The following PRR5L variants were observed in gnomAD, a reference collection of about 807,000 sequenced individuals.
PRR5L encodes the protein proline-rich protein 5-like.
Under a neutral mutation model 36.4 loss-of-function variants are expected in PRR5L, and 21 were observed. The ratio of observed to expected loss-of-function variants is 0.58; its 90% CI spans 0.41 to 0.83. PRR5L has a LOEUF of 0.83. Ranked by LOEUF, PRR5L falls within the 40% of genes least tolerant of loss-of-function variation. The pLI is 0.00. For missense variants in PRR5L, 381 were observed against 473.3 expected (o/e 0.80, Z 1.81); for synonymous variants, 188 against 197.0 (o/e 0.95, Z 0.38).
chr11:36,454,153 T>C (rs1459013692), intron 8 of PRR5L: 1 of 152,266 alleles, frequency 6.6e-6, no homozygotes, highest in Non-Finnish European at 1.5e-5. Flanking sequence ...GGATACTTTA[T>C]CAGCTGCCCC....
At chr11:36,306,365 G>A (rs1391014506) in intron 1 of PRR5L, among the ~76,000 whole-genome samples, 3 of 152,148 alleles carry the variant, frequency 2.0e-5, no homozygotes, top group Non-Finnish European at 4.4e-5. Flanking sequence ...ATAGTTTGCT[G>A]AGCATGATGG....
chr11:36,300,964 T>C (rs1856369293), intron 1 of PRR5L: 1 of 152,214 alleles, frequency 6.6e-6, no homozygotes, highest in Non-Finnish European at 1.5e-5. Flanking sequence ...TTAACAAACA[T>C]TTATTGTGCC....
intron 1 of PRR5L, among the ~76,000 whole-genome samples, chr11:36,327,372 A>C (rs1052359883): frequency 4.6e-5 from 7 of 152,224 alleles, no homozygotes; most frequent in Non-Finnish European, 7.3e-5. Context: ...ACATTCAAAC[A>C]GAGATCCTAA....
intron 1 of PRR5L, among the ~76,000 whole-genome samples, chr11:36,299,869 A>G (rs1186007185): frequency 6.6e-6 from 1 of 152,140 alleles, no homozygotes; most frequent in Non-Finnish European, 1.5e-5. Flanking sequence ...AGAAAACTAT[A>G]AAGGTAAACA....
At chr11:36,391,477 C>T (rs1346731015) in intron 1 of PRR5L, among the ~76,000 whole-genome samples, 1 of 152,194 alleles carries the variant, frequency 6.6e-6, no homozygotes, top group African/African-American at 2.4e-5. Flanking sequence ...TGATACCTCC[C>T]AGTAACCCTG....
At chr11:36,449,155 C>T (rs1858893885) in intron 7 of PRR5L, among the ~76,000 whole-genome samples, 1 of 152,192 alleles carries the variant, frequency 6.6e-6, no homozygotes, top group Admixed American at 6.5e-5. Flanking sequence ...GAACCCGGAT[C>T]TTTCCCCGGC....
intron 5 of PRR5L, among the ~76,000 whole-genome samples, chr11:36,435,945 C>T (rs1328303315): frequency 1.3e-5 from 2 of 152,190 alleles, no homozygotes; most frequent in Non-Finnish European, 2.9e-5. Context: ...GGGCTCCATT[C>T]CCAATCCCGT....
chr11:36,316,121 G>A (rs1325606571), intron 1 of PRR5L, among the ~76,000 whole-genome samples: 2 of 152,150 alleles, frequency 1.3e-5, no homozygotes, highest in African/African-American at 4.8e-5. Flanking sequence ...TTTTATGAAG[G>A]GCGAGATAGA....
intron 3 of PRR5L, among the ~76,000 whole-genome samples, chr11:36,410,473 A>G (rs1338817008): frequency 6.6e-6 from 1 of 152,158 alleles, no homozygotes; most frequent in Admixed American, 6.5e-5. Context: ...GTTGGGATCT[A>G]CCAATGTATG....
chr11:36,419,235 C>G lies in PRR5L; in HGVS notation c.246-20C>G. ...CATCAAGGGCTGCTTGACGGTGTTT[C>G]TCTTCTCCCTTCTCCCCAGGCGGCT... is the stretch of plus-strand genomic sequence containing the variant. On this transcript the variant is annotated intron_variant, in intron 3 of 8. Transcript: ENST00000530639. 1 of 1,613,268 alleles carries G rather than the reference C, an allele frequency of 6.2e-7. No homozygotes were observed. Among genetic ancestry groups the G allele is most frequent in the Non-Finnish European group, 8.5e-7 (1 of 1,179,238 alleles).
chr11:36,331,962 G>A (rs1004441064), intron 1 of PRR5L, among the ~76,000 whole-genome samples: 1 of 152,098 alleles, frequency 6.6e-6, no homozygotes, highest in African/African-American at 2.4e-5. Context: ...CGTTGGATAG[G>A]TTACTTAACC....
intron 1 of PRR5L, among the ~76,000 whole-genome samples, chr11:36,307,766 A>G (rs767308230): frequency 9.9e-5 from 15 of 152,170 alleles, no homozygotes; most frequent in Non-Finnish European, 1.9e-4. Flanking sequence ...GCTTATCTCT[A>G]TTTTCTCACA....
At chr11:36,462,093 A>T (rs561566715) in intron 8 of PRR5L, among the ~76,000 whole-genome samples, 7 of 152,280 alleles carry the variant, frequency 4.6e-5, no homozygotes, top group African/African-American at 1.7e-4. Flanking sequence ...TCTGTCAAGG[A>T]AAGTCTGTTG....
chr11:36,302,153 A>G (rs1037046145), intron 1 of PRR5L, among the ~76,000 whole-genome samples: 7 of 152,204 alleles, frequency 4.6e-5, no homozygotes, highest in Admixed American at 4.6e-4. Context: ...GATGGGAGGT[A>G]AGGGTACCAC....
intron 1 of PRR5L, among the ~76,000 whole-genome samples, chr11:36,300,005 AC>A (rs1301984493): frequency 2.0e-4 from 31 of 152,120 alleles, no homozygotes; most frequent in African/African-American, 7.2e-4. Flanking sequence ...AGCTCTGTGT[AC>A]CCAGGAAAGT....
intron 4 of PRR5L, among the ~76,000 whole-genome samples, chr11:36,425,111 C>T (rs911207231): frequency 2.6e-5 from 4 of 152,192 alleles, no homozygotes; most frequent in Non-Finnish European, 5.9e-5. Flanking sequence ...TGTGAGCCAC[C>T]GCCCCCAGCC....
At chr11:36,355,548 CTTT>C (rs1041820581) in intron 1 of PRR5L, among the ~76,000 whole-genome samples, 6 of 127,046 alleles carry the variant, frequency 4.7e-5, no homozygotes, top group Non-Finnish European at 3.3e-5. Context: ...CTTTGCTTTG[CTTT>C]TTTTTTTTTT....
intron 1 of PRR5L, among the ~76,000 whole-genome samples, chr11:36,356,528 G>A (rs139772952): frequency 0.012 from 1,754 of 152,204 alleles, 29 homozygotes; most frequent in African/African-American, 0.04. Context: ...TGAATGTTGT[G>A]GCAACCCTCT....
chr11:36,355,608 G>C (rs1438532712), intron 1 of PRR5L, among the ~76,000 whole-genome samples: 1 of 148,538 alleles, frequency 6.7e-6, no homozygotes, highest in Non-Finnish European at 1.5e-5. Context: ...GGAGTACAGT[G>C]GTGCAATCTC....
Sources: gnomAD v4.1 joint callset for allele counts (sites outside exome capture counted in the v4.1 genomes callset) on GRCh38, gnomAD v4.1.1 for gene constraint, MANE v1.5 for transcripts, NCBI Gene and HGNC (gene_info 2026-07-23, HGNC 2026-07-21) for gene names.